Variants in LRRC18 observed in about 807,000 individuals in gnomAD.
LRRC18 encodes leucine rich repeat containing 18.
A neutral mutation model predicts 11.2 loss-of-function variants in LRRC18; 12 were observed. The ratio of observed to expected loss-of-function variants is 1.07; its 90% CI spans 0.69 to 1.74. The LOEUF is 1.74. Among genes scored for constraint, LRRC18 ranks in the 40% most tolerant of loss-of-function variants. The pLI, the probability that LRRC18 is intolerant of heterozygous loss-of-function variation, is 0.00. For missense variants in LRRC18, 374 were observed against 330.5 expected, an observed-to-expected ratio of 1.13 and a Z score of -1.02; for synonymous variants, 155 against 130.6, an observed-to-expected ratio of 1.19 and a Z score of -1.27.
the LRRC18 span, among the ~76,000 whole-genome samples, chr10:48,920,534 AAAG>A: frequency 1.3e-5 from 2 of 152,250 alleles, no homozygotes; most frequent in Admixed American, 1.3e-4. Context: ...AATTGAAAAA[AAAG>A]AAAAAAAAAG....
upstream of LRRC18, among the ~76,000 whole-genome samples, chr10:48,918,750 G>T (rs914212005): frequency 6.2e-4 from 42 of 68,062 alleles, no homozygotes; most frequent in African/African-American, 1.6e-3. Flanking sequence ...TTGTCAGCAG[G>T]GGGTAGGATG....
At chr10:48,917,289 G>A (rs1006967717), upstream of LRRC18, among the ~76,000 whole-genome samples, 10 of 152,174 alleles carry the variant, frequency 6.6e-5, no homozygotes, top group Admixed American at 5.2e-4. Flanking sequence ...ACTTACACCT[G>A]TATCTCAGAA....
At chr10:48,918,101 T>C (rs1263130178), upstream of LRRC18, among the ~76,000 whole-genome samples, 1 of 152,080 alleles carries the variant, frequency 6.6e-6, no homozygotes, top group Non-Finnish European at 1.5e-5. Context: ...TAGTAAATAG[T>C]AAAAAACTAA....
At chr10:48,916,071 A>G (rs777727979), upstream of LRRC18, among the ~76,000 whole-genome samples, 9 of 152,256 alleles carry the variant, frequency 5.9e-5, no homozygotes, top group Non-Finnish European at 1.3e-4. Context: ...AGCCTTGGGC[A>G]GAATGCACAG....
upstream of LRRC18, among the ~76,000 whole-genome samples, chr10:48,915,711 G>A (rs936319882): frequency 6.6e-4 from 100 of 152,290 alleles, 1 homozygote; most frequent in Non-Finnish European, 1.8e-4. Context: ...CATAGCTGAA[G>A]GGTCAGAGGG....
At chr10:48,912,245 C>CA (rs1838073337) in intron 1 of LRRC18, among the ~76,000 whole-genome samples, 1 of 152,212 alleles carries the variant, frequency 6.6e-6, no homozygotes, top group African/African-American at 2.4e-5. Context: ...TTCAGCTTTG[C>CA]AATGAACTAA....
chr10:48,938,432 G>T, the LRRC18 span, among the ~76,000 whole-genome samples: 1 of 152,240 alleles, frequency 6.6e-6, no homozygotes, highest in Non-Finnish European at 1.5e-5. Context: ...CTTTGGTCTG[G>T]GGTCTAACCC....
the LRRC18 span, among the ~76,000 whole-genome samples, chr10:48,931,729 C>A: frequency 5.3e-5 from 8 of 152,230 alleles, no homozygotes; most frequent in Non-Finnish European, 1.2e-4. Context: ...TCTGTAGAAA[C>A]TTTTCCTAAA....
chr10:48,917,591 C>A (rs990110283), upstream of LRRC18, among the ~76,000 whole-genome samples: 13 of 152,188 alleles, frequency 8.5e-5, no homozygotes, highest in Non-Finnish European at 2.9e-5. Context: ...CTGGAAACAT[C>A]ATTTTTAAAG....
intron 1 of LRRC18, 67 bp downstream of exon 3, chr10:48,913,325 G>A (rs780439308): frequency 1.9e-5 from 28 of 1,485,002 alleles, no homozygotes; most frequent in African/African-American, 1.8e-4. Flanking sequence ...TTCCTGTGGA[G>A]GTAGCCCACT....
the LRRC18 span, among the ~76,000 whole-genome samples, chr10:48,934,931 G>A: frequency 1.3e-5 from 2 of 152,160 alleles, no homozygotes; most frequent in Non-Finnish European, 2.9e-5. Flanking sequence ...CCTGGCCCCC[G>A]AGGATGCCCA....
intron 1 of LRRC18, chr10:48,910,935 T>G: frequency 1.0e-6 from 1 of 984,008 alleles, no homozygotes; most frequent in East Asian, 1.1e-4. Context: ...TGCTGAACCT[T>G]TTGAATACCT....
chr10:48,923,364 T>A, the LRRC18 span, among the ~76,000 whole-genome samples: 1 of 151,532 alleles, frequency 6.6e-6, no homozygotes, highest in Non-Finnish European at 1.5e-5. Flanking sequence ...TGAATTGAGA[T>A]CAAGGAAGTC....
chr10:48,926,177 G>A, the LRRC18 span, among the ~76,000 whole-genome samples: 2 of 152,182 alleles, frequency 1.3e-5, no homozygotes, highest in Non-Finnish European at 2.9e-5. Context: ...AAGCCATCCT[G>A]GAATCCTATG....
At chr10:48,920,622 CT>C in the LRRC18 span, among the ~76,000 whole-genome samples, 1 of 152,186 alleles carries the variant, frequency 6.6e-6, no homozygotes, top group Non-Finnish European at 1.5e-5. Context: ...AGAGAGCACA[CT>C]TTCACTATGT....
upstream of LRRC18, among the ~76,000 whole-genome samples, chr10:48,915,365 G>A (rs1299210654): frequency 6.6e-6 from 1 of 151,874 alleles, no homozygotes; most frequent in Non-Finnish European, 1.5e-5. Flanking sequence ...GTTCTGTTTG[G>A]TTCTGGGACC....
At chr10:48,921,743 AT>A in the LRRC18 span, among the ~76,000 whole-genome samples, 47 of 152,062 alleles carry the variant, frequency 3.1e-4, no homozygotes, top group African/African-American at 5.8e-4. Context: ...AAACAATACA[AT>A]TTTTTTTAAT....
At chr10:48,939,310 A>G in the LRRC18 span, among the ~76,000 whole-genome samples, 3 of 152,182 alleles carry the variant, frequency 2.0e-5, no homozygotes, top group Admixed American at 6.5e-5. Flanking sequence ...GCCCACACCA[A>G]TGCTAGCCTT....
exon 2 of LRRC18, chr10:48,909,940 G>C (rs1400021597): frequency 1.3e-5 from 5 of 394,618 alleles, no homozygotes; most frequent in Non-Finnish European, 2.3e-5. Flanking sequence ...AAGTCTTAAA[G>C]TCTTAAATAT....
Sources: allele counts gnomAD v4.1 joint callset (sites outside exome capture counted in the v4.1 genomes callset), GRCh38; gene constraint gnomAD v4.1.1; transcripts MANE v1.5; gene names NCBI Gene and HGNC (gene_info 2026-07-23, HGNC 2026-07-21).